Variants in CEP89 observed in about 807,000 individuals in gnomAD.
CEP89 encodes the protein centrosomal protein of 89 kDa.
A neutral mutation model predicts 97.6 loss-of-function variants in CEP89; 95 were observed. The ratio of observed to expected loss-of-function variants is 0.97; its 90% CI spans 0.82 to 1.15. The LOEUF is 1.15. CEP89 is among the 50% of genes most tolerant of loss of function. CEP89 has a pLI of 0.00. For synonymous variants in CEP89, 354 were observed against 349.1 expected, an observed-to-expected ratio of 1.01 and a Z score of -0.16; for missense variants, 869 against 947.7, an observed-to-expected ratio of 0.92 and a Z score of 1.09.
rs750448528 is a variant in CEP89 at position 32,944,220 on chromosome 19, T to TAAAAAA, written c.595+4040_595+4045dup. 2.7e-4 allele frequency among the ~76,000 whole-genome samples: 17 copies of TAAAAAA among 62,426 alleles called. 1 individual carries two copies. The highest frequency in any genetic ancestry group is 3.6e-4 in the Non-Finnish European group (12 of 33,192). The allele number at this position is 62,426 out of a possible 152,430, so 41.0% of individuals were successfully genotyped here. A position where few individuals can be genotyped will look rare whatever the true frequency, so the allele number is the denominator to read the frequency against. ...GCCTGGGCAACAGAGTGAGACCCTG[T>TAAAAAA]AAAAAAAAAAAAAAAAAGACTCTTC... On this transcript the variant is annotated intron_variant, in intron 5 of 18. Transcript: ENST00000305768.
intron 14 of CEP89, among the ~76,000 whole-genome samples, chr19:32,903,621 AG>A (rs1368661771): frequency 1.3e-5 from 2 of 152,210 alleles, no homozygotes; most frequent in African/African-American, 4.8e-5. Flanking sequence ...ATTAGATTGT[AG>A]AAGGATAGAT....
intron 9 of CEP89, 145 bp from the exon 10 acceptor site, chr19:32,927,129 T>TACCC (rs1970374896): frequency 1.7e-6 from 1 of 597,660 alleles, no homozygotes; most frequent in Non-Finnish European, 2.9e-6. Flanking sequence ...CCTACCCACC[T>TACCC]ACCCATCCAT....
At chr19:32,925,485 C>CTT (rs67751450) in intron 11 of CEP89, among the ~76,000 whole-genome samples, 47 of 120,088 alleles carry the variant, frequency 3.9e-4, no homozygotes, top group African/African-American at 1.0e-3. Context: ...CCAAATAGCC[C>CTT]TTTTTTTTTT....
At position 32,879,057 on chromosome 19, in the gene CEP89, G is replaced by C. The variant is rs1348766457; in HGVS notation, c.*105C>G. 1.2e-6 allele frequency: 1 copy of C among 808,472 alleles called. No individual in the cohort carries two copies. The highest frequency in any genetic ancestry group is 2.4e-5 in the Admixed American group (1 of 41,602). The allele number at this position is 808,472 out of a possible 1,614,324, so 50.1% of individuals were successfully genotyped here. ...CTTCCCTGCCCTGCAGCGTTCAGTGGGCTTACGCACCTCCGGCTGCCACCA... is the reference window on the plus strand; with the variant it reads ...CTTCCCTGCCCTGCAGCGTTCAGTGCGCTTACGCACCTCCGGCTGCCACCA... On this transcript the variant is annotated 3_prime_UTR_variant, in exon 19 of 19. Transcript: ENST00000305768.
chr19:32,935,484 A>G (rs897916056), intron 7 of CEP89, among the ~76,000 whole-genome samples: 5 of 152,228 alleles, frequency 3.3e-5, no homozygotes, highest in Non-Finnish European at 7.3e-5. Flanking sequence ...CGTTTGATTA[A>G]CACCATAAAC....
chr19:32,956,804 G>T (rs1971058847), intron 3 of CEP89, among the ~76,000 whole-genome samples: 1 of 152,040 alleles, frequency 6.6e-6, no homozygotes, highest in Non-Finnish European at 1.5e-5. Flanking sequence ...CGATTAAAAA[G>T]GTTTTTTTAC....
intron 9 of CEP89, among the ~76,000 whole-genome samples, chr19:32,930,251 C>T (rs36061317): frequency 0.36 from 54,092 of 151,522 alleles, 9,858 homozygotes; most frequent in Admixed American, 0.48. Context: ...TGGTCTCAAA[C>T]GCCTGACTTC....
chr19:32,950,536 C>T (rs1357548878), intron 4 of CEP89, among the ~76,000 whole-genome samples: 4 of 152,168 alleles, frequency 2.6e-5, no homozygotes, highest in African/African-American at 9.6e-5. Flanking sequence ...CCAGCCTGTG[C>T]AATAAGAGTG....
At chr19:32,879,501 T>A in intron 18 of CEP89, 123 bp from the exon 19 acceptor site, 1 of 784,188 alleles carries the variant, frequency 1.3e-6, no homozygotes, top group Non-Finnish European at 2.0e-6. Flanking sequence ...CCTCGGTGCC[T>A]GGGTTCTGAA....
At chr19:32,962,049 CA>C (rs60927897) in intron 2 of CEP89, among the ~76,000 whole-genome samples, 20,986 of 138,098 alleles carry the variant, frequency 0.15, 1,458 homozygotes, top group East Asian at 0.3. Flanking sequence ...TTTCCATATG[CA>C]AAAAAAAAAA....
intron 15 of CEP89, among the ~76,000 whole-genome samples, chr19:32,900,975 TC>T (rs1969755580): frequency 6.6e-6 from 1 of 150,494 alleles, no homozygotes; most frequent in African/African-American, 2.5e-5. Context: ...AACCTCTGCC[TC>T]CCAGGCTCAA....
intron 12 of CEP89, among the ~76,000 whole-genome samples, 170 bp from the exon 13 acceptor site, chr19:32,918,509 C>T (rs73051153): frequency 0.051 from 7,722 of 152,192 alleles, 239 homozygotes; most frequent in South Asian, 0.14. Context: ...TGCAGTCAGG[C>T]GAGGAAGGAC....
chr19:32,971,729 C>A, intron 1 of CEP89, 107 bp downstream of exon 1: 1 of 1,104,896 alleles, frequency 9.1e-7, no homozygotes, highest in Non-Finnish European at 1.3e-6. Context: ...TTCTCTTGTG[C>A]CGCCCCCTTG....
At chr19:32,896,777 C>CT (rs1435562169) in intron 16 of CEP89, among the ~76,000 whole-genome samples, 18 of 151,166 alleles carry the variant, frequency 1.2e-4, no homozygotes, top group African/African-American at 1.7e-4. Flanking sequence ...CTCTCTCTCT[C>CT]TCTTTTTTTT....
intron 5 of CEP89, among the ~76,000 whole-genome samples, chr19:32,940,267 G>T (rs959488873): frequency 1.6e-5 from 2 of 128,246 alleles, no homozygotes; most frequent in East Asian, 2.4e-4. Flanking sequence ...TCCCCATCAC[G>T]CTCTATACAT....
intron 17 of CEP89, among the ~76,000 whole-genome samples, chr19:32,887,436 C>T (rs563951650): frequency 1.3e-5 from 2 of 152,086 alleles, no homozygotes; most frequent in South Asian, 2.1e-4. Flanking sequence ...CCAGACTGGT[C>T]TCAAACTCTC....
At position 32,923,462 on chromosome 19, in the gene CEP89, A is replaced by C; in HGVS notation, c.1245T>G (p.Ser415Arg). The change falls in exon 12 of 19, where the codon AGT becomes AGG. Residue 415 changes from serine to arginine, a missense_variant. By Grantham distance (110) the Ser-to-Arg change is moderately radical. Coordinates refer to ENST00000305768, the MANE Select transcript of CEP89 (RefSeq NM_032816.5). ...NEELHQELNK[S>R]SAVTSEEWRQ... ...GCCATTCCTCACTGGTAACAGCACT[A>C]CTCTTATTTAACTCTTGGTGCAATT... 6.2e-7 allele frequency: 1 copy of C among 1,603,826 alleles called. No homozygotes were observed. The highest frequency in any genetic ancestry group is 8.5e-7 in the Non-Finnish European group (1 of 1,171,222).
intron 11 of CEP89, 68 bp downstream of exon 11, chr19:32,926,122 T>C: frequency 8.8e-7 from 1 of 1,135,152 alleles, no homozygotes. Context: ...TCAAAATGTT[T>C]TTATAAAATT....
chr19:32,969,351 A>G (rs1379736014), intron 1 of CEP89: 1 of 152,316 alleles, frequency 6.6e-6, no homozygotes, highest in Non-Finnish European at 1.5e-5. Flanking sequence ...TGGCAGGCCC[A>G]GAAAAGGCTC....
Sources: allele counts gnomAD v4.1 joint callset (sites outside exome capture counted in the v4.1 genomes callset), GRCh38; gene constraint gnomAD v4.1.1; transcripts MANE v1.5; gene names NCBI Gene and HGNC (gene_info 2026-07-23, HGNC 2026-07-21).